The following PITPNC1 variants were observed in gnomAD, a reference collection of about 807,000 sequenced individuals.
PITPNC1 encodes phosphatidylinositol transfer protein cytoplasmic 1.
Under a neutral mutation model 44.7 loss-of-function variants are expected in PITPNC1, and 18 were observed. The observed-to-expected ratio is 0.40, with a 90% CI of 0.28 to 0.60. PITPNC1 has a LOEUF of 0.60. Ranked by LOEUF, PITPNC1 falls within the 20% of genes least tolerant of loss-of-function variation. PITPNC1 has a pLI of 0.39. For synonymous variants in PITPNC1, 141 were observed against 149.6 expected (o/e 0.94, Z 0.42); for missense variants, 290 against 418.4 (o/e 0.69, Z 2.68).
intron 5 of PITPNC1, among the ~76,000 whole-genome samples, chr17:67,623,664 A>G (rs2041861436): frequency 6.6e-6 from 1 of 152,214 alleles, no homozygotes; most frequent in South Asian, 2.1e-4. Flanking sequence ...GATTACAGGC[A>G]TGAGCCACCT....
intron 1 of PITPNC1, among the ~76,000 whole-genome samples, chr17:67,381,625 C>A (rs1046795207): frequency 6.6e-6 from 1 of 152,142 alleles, no homozygotes; most frequent in Non-Finnish European, 1.5e-5. Context: ...AGCCACCGCA[C>A]CCTGCTAATT....
At chr17:67,638,920 G>C (rs1598918789) in intron 6 of PITPNC1, 1 of 151,622 alleles carries the variant, frequency 6.6e-6, no homozygotes, top group East Asian at 1.9e-4. Flanking sequence ...AGAACAGCCG[G>C]AGCCACACAG....
chr17:67,396,648 G>A (rs777645110), intron 1 of PITPNC1, among the ~76,000 whole-genome samples: 3 of 151,732 alleles, frequency 2.0e-5, no homozygotes, highest in Non-Finnish European at 4.4e-5. Flanking sequence ...GTGATTACAG[G>A]CGTGAGCCAC....
intron 1 of PITPNC1, among the ~76,000 whole-genome samples, chr17:67,477,899 G>A (rs975309343): frequency 7.2e-5 from 11 of 152,212 alleles, no homozygotes; most frequent in African/African-American, 2.4e-4. Flanking sequence ...CTTGATTTCT[G>A]GGTGTGTCAT....
intron 1 of PITPNC1, among the ~76,000 whole-genome samples, chr17:67,416,240 C>A (rs1365490333): frequency 8.9e-6 from 1 of 112,892 alleles, no homozygotes; most frequent in Non-Finnish European, 1.7e-5. Flanking sequence ...GACAGAGTCT[C>A]GCTCTGTTGT....
chr17:67,632,025 C>T lies in PITPNC1; in HGVS notation c.367-118C>T, dbSNP rs116539910. 2,789 of 637,674 alleles carry T rather than the reference C, an allele frequency of 4.4e-3. 73 individuals are homozygous for T. The African/African-American group carries it at 0.046, about 11-fold the overall frequency. 39.5% of individuals were successfully genotyped at this position (637,674 alleles called of 1,614,324 possible). On this transcript the variant is annotated intron_variant, in intron 5 of 8. Coordinates refer to ENST00000581322, the MANE Select transcript of PITPNC1 (RefSeq NM_012417.4). ...GCGCATTCTGAGGCTGGTGAAAGCA[C>T]TAGCCGGGGGCCCTGAGACGTGTGA...
At chr17:67,552,395 A>C (rs371764256) in intron 3 of PITPNC1, 50 bp downstream of exon 3, 1 of 932,172 alleles carries the variant, frequency 1.1e-6, no homozygotes, top group Non-Finnish European at 1.8e-6. Flanking sequence ...GCAAGGACAT[A>C]GCATAGTTGA....
intron 1 of PITPNC1, among the ~76,000 whole-genome samples, chr17:67,464,507 C>G: frequency 6.6e-6 from 1 of 152,074 alleles, no homozygotes; most frequent in East Asian, 1.9e-4. Flanking sequence ...GGCTGGCGAA[C>G]TCTAAGAGGA....
intron 7 of PITPNC1, among the ~76,000 whole-genome samples, chr17:67,672,499 C>T (rs1407482943): frequency 2.0e-5 from 3 of 151,442 alleles, no homozygotes; most frequent in Non-Finnish European, 2.9e-5. Context: ...CTCCAGAGGC[C>T]GAGGCAGGAG....
chr17:67,611,078 G>A (rs183926194), intron 5 of PITPNC1, among the ~76,000 whole-genome samples: 43 of 152,298 alleles, frequency 2.8e-4, no homozygotes, highest in African/African-American at 9.9e-4. Flanking sequence ...CATACCTGGT[G>A]TTCAGTCTAA....
At chr17:67,558,887 AC>A (rs2144184357) in intron 4 of PITPNC1, among the ~76,000 whole-genome samples, 1 of 152,322 alleles carries the variant, frequency 6.6e-6, no homozygotes, top group South Asian at 2.1e-4. Flanking sequence ...GAGAGAGATT[AC>A]TCAGGGCTGG....
chr17:67,487,095 A>G (rs1033839852), intron 1 of PITPNC1, among the ~76,000 whole-genome samples: 14 of 152,196 alleles, frequency 9.2e-5, no homozygotes, highest in African/African-American at 2.4e-4. Flanking sequence ...AACCAACATC[A>G]TAAAATATGA....
At chr17:67,673,338 A>C (rs2042544741) in intron 7 of PITPNC1, among the ~76,000 whole-genome samples, 1 of 152,212 alleles carries the variant, frequency 6.6e-6, no homozygotes, top group African/African-American at 2.4e-5. Context: ...AAAAAGACAT[A>C]TTTACCCAGG....
intron 5 of PITPNC1, among the ~76,000 whole-genome samples, chr17:67,626,412 A>C (rs2041895933): frequency 6.6e-6 from 1 of 152,100 alleles, no homozygotes; most frequent in Non-Finnish European, 1.5e-5. Flanking sequence ...GCCCTGTCGC[A>C]CAGGCTGGAG....
chr17:67,667,489 T>TC (rs2042440023), intron 6 of PITPNC1, among the ~76,000 whole-genome samples: 1 of 19,880 alleles, frequency 5.0e-5, no homozygotes, highest in South Asian at 1.4e-3. Context: ...TGATCCTTTC[T>TC]CAAAAAAAAA....
chr17:67,452,451 A>G (rs2039194714), intron 1 of PITPNC1, among the ~76,000 whole-genome samples: 1 of 151,444 alleles, frequency 6.6e-6, no homozygotes, highest in African/African-American at 2.4e-5. Context: ...TTTGTATACA[A>G]TTCTTGGATG....
Position 67,377,946 on chromosome 17 carries a change from G to C in PITPNC1, c.-209G>C, listed in dbSNP as rs1297724556. 3 of 410,020 alleles carry C rather than the reference G, an allele frequency of 7.3e-6. No individual in the cohort carries two copies. The highest frequency in any genetic ancestry group is 9.2e-5 in the Admixed American group (2 of 21,630). The allele number at this position is 410,020 out of a possible 1,614,324, so 25.4% of individuals were successfully genotyped here. A position where few individuals can be genotyped will look rare whatever the true frequency, so the allele number is the denominator to read the frequency against. On this transcript the variant is annotated 5_prime_UTR_variant, in exon 1 of 9. Coordinates refer to ENST00000581322, the MANE Select transcript of PITPNC1 (RefSeq NM_012417.4). The stretch of plus-strand genomic sequence containing the variant: ...GACCGGCCTCGGCGAGGGAGGAGGC[G>C]GGGGAGCTGCGAACACCCAGACCCA...
intron 1 of PITPNC1, among the ~76,000 whole-genome samples, chr17:67,442,722 G>A (rs758976716): frequency 1.6e-4 from 24 of 151,828 alleles, no homozygotes; most frequent in African/African-American, 5.1e-4. Flanking sequence ...AGGCATGGTG[G>A]TGTGCACCTG....
chr17:67,547,259 A>T (rs1039019658), intron 2 of PITPNC1, among the ~76,000 whole-genome samples: 8 of 152,190 alleles, frequency 5.3e-5, no homozygotes, highest in African/African-American at 1.9e-4. Flanking sequence ...TCATGCCTGT[A>T]ATCCCAGCAT....
Sources: gnomAD v4.1 joint callset for allele counts (sites outside exome capture counted in the v4.1 genomes callset) on GRCh38, gnomAD v4.1.1 for gene constraint, MANE v1.5 for transcripts, NCBI Gene and HGNC (gene_info 2026-07-23, HGNC 2026-07-21) for gene names.